ADK: variants seen among roughly 807,000 people sequenced by gnomAD.
ADK encodes the protein adenosine kinase.
In ADK, 24 loss-of-function variants were observed where a neutral mutation model predicts 44.7. The observed-to-expected ratio is 0.54, with a 90% CI of 0.39 to 0.76. The LOEUF (loss-of-function observed/expected upper bound fraction) is 0.76, where lower values mean the gene tolerates loss of function less well. Ranked by LOEUF, ADK falls within the 30% of genes least tolerant of loss-of-function variation. The pLI is 0.00. For missense variants in ADK, 321 were observed against 425.1 expected, an observed-to-expected ratio of 0.76 and a Z score of 2.15; for synonymous variants, 128 against 142.6, an observed-to-expected ratio of 0.90 and a Z score of 0.73.
At chr10:74,276,089 C>T (rs1174998200) in intron 3 of ADK, among the ~76,000 whole-genome samples, 1 of 152,082 alleles carries the variant, frequency 6.6e-6, no homozygotes, top group Non-Finnish European at 1.5e-5. Flanking sequence ...AAAGCCCCAC[C>T]CCAAAGTGAG....
intron 3 of ADK, among the ~76,000 whole-genome samples, chr10:74,257,974 C>G (rs4320897): frequency 0.18 from 26,664 of 152,076 alleles, 2,776 homozygotes; most frequent in African/African-American, 0.29. Context: ...TAGTTACCAC[C>G]CACAAGGGTA....
At chr10:74,364,285 C>T (rs891835413) in intron 4 of ADK, among the ~76,000 whole-genome samples, 1 of 152,168 alleles carries the variant, frequency 6.6e-6, no homozygotes, top group African/African-American at 2.4e-5. Flanking sequence ...TCCTATCCCA[C>T]TATTGAAACA....
intron 7 of ADK, among the ~76,000 whole-genome samples, chr10:74,572,446 T>A: frequency 6.6e-6 from 1 of 152,200 alleles, no homozygotes; most frequent in Non-Finnish European, 1.5e-5. Flanking sequence ...ATTTTTTCCT[T>A]CATTTCAACT....
intron 10 of ADK, among the ~76,000 whole-genome samples, chr10:74,681,615 G>A (rs1311694934): frequency 3.3e-5 from 5 of 151,460 alleles, no homozygotes; most frequent in African/African-American, 7.3e-5. Flanking sequence ...AGAGGCCGAG[G>A]TGGACAAATC....
At chr10:74,316,723 A>C (rs1840633797) in intron 4 of ADK, among the ~76,000 whole-genome samples, 1 of 152,174 alleles carries the variant, frequency 6.6e-6, no homozygotes, top group Non-Finnish European at 1.5e-5. Context: ...ATGAACTAAT[A>C]CCGGGAGGCT....
chr10:74,189,032 A>G (rs953188363), intron 1 of ADK, among the ~76,000 whole-genome samples: 2 of 152,186 alleles, frequency 1.3e-5, no homozygotes, highest in East Asian at 1.9e-4. Context: ...TGGCCCCCCA[A>G]AGTGCCACCG....
intron 10 of ADK, among the ~76,000 whole-genome samples, chr10:74,695,620 GTGTGTGTGTGTGT>G (rs1856164692): frequency 2.4e-5 from 3 of 126,180 alleles, no homozygotes; most frequent in South Asian, 2.7e-4. Context: ...TATGTGTGGG[GTGTGTGTGTGTGT>G]GTGTGTGTGT....
At chr10:74,448,469 G>A (rs1237831024) in intron 6 of ADK, among the ~76,000 whole-genome samples, 2 of 151,938 alleles carry the variant, frequency 1.3e-5, no homozygotes, top group East Asian at 1.9e-4. Flanking sequence ...ATATATATAC[G>A]CATATATACA....
chr10:74,222,291 C>G (rs1844341396), intron 2 of ADK, among the ~76,000 whole-genome samples: 1 of 152,066 alleles, frequency 6.6e-6, no homozygotes, highest in Non-Finnish European at 1.5e-5. Flanking sequence ...CAGAGAAATG[C>G]AAATCAAAAC....
At chr10:74,332,705 T>C (rs901735737) in intron 4 of ADK, among the ~76,000 whole-genome samples, 1 of 152,148 alleles carries the variant, frequency 6.6e-6, no homozygotes, top group Non-Finnish European at 1.5e-5. Context: ...CAAGAAAAAC[T>C]GAAGGTATTA....
At chr10:74,222,172 C>A (rs1844337292) in intron 2 of ADK, among the ~76,000 whole-genome samples, 1 of 151,672 alleles carries the variant, frequency 6.6e-6, no homozygotes, top group African/African-American at 2.4e-5. Context: ...CAAGAAAAAA[C>A]AAACAACCCC....
intron 3 of ADK, among the ~76,000 whole-genome samples, chr10:74,259,198 G>C (rs933781733): frequency 4.0e-5 from 6 of 151,830 alleles, no homozygotes; most frequent in Non-Finnish European, 7.4e-5. Flanking sequence ...GCCTGCCTCA[G>C]CCTCCCAAAG....
At chr10:74,472,804 T>C (rs1262682883) in intron 6 of ADK, among the ~76,000 whole-genome samples, 2 of 152,152 alleles carry the variant, frequency 1.3e-5, no homozygotes, top group African/African-American at 4.8e-5. Flanking sequence ...TATAAAGAAC[T>C]GATATGACAG....
chr10:74,527,847 G>A lies in ADK; in HGVS notation c.726+2421G>A. ...CCCTCTTGCTTCCAAGTGTCTTGAA[G>A]CTGCCAGCCAGATCTCTAACATACG... is the stretch of plus-strand genomic sequence containing the variant. On this transcript the variant is annotated intron_variant, in intron 7 of 10. Transcript: ENST00000539909. 3.7e-6 allele frequency: 4 copies of A among 1,077,418 alleles called. No individual in the cohort carries two copies. In the South Asian group the frequency reaches 5.0e-5, roughly 13 times the overall value. The allele number at this position is 1,077,418 out of a possible 1,614,324, so 66.7% of individuals were successfully genotyped here.
chr10:74,456,666 C>CAAAAAA (rs71024510), intron 6 of ADK, among the ~76,000 whole-genome samples: 6 of 63,100 alleles, frequency 9.5e-5, no homozygotes, highest in South Asian at 1.4e-3. Flanking sequence ...GACTCCATCT[C>CAAAAAA]AAAAAAAAAA....
chr10:74,279,713 T>TC (rs1173289796), intron 3 of ADK, among the ~76,000 whole-genome samples: 4 of 152,112 alleles, frequency 2.6e-5, no homozygotes, highest in Admixed American at 1.3e-4. Flanking sequence ...TTTTTTTTTT[T>TC]CATGAGTGAA....
At chr10:74,404,017 T>C (rs909887816) in intron 6 of ADK, among the ~76,000 whole-genome samples, 5 of 151,996 alleles carry the variant, frequency 3.3e-5, no homozygotes, top group Non-Finnish European at 5.9e-5. Flanking sequence ...GGACTGCACG[T>C]GCCTGCCACC....
rs182056075 is a variant in ADK at position 74,689,341 on chromosome 10, A to G, written c.965-18980A>G. On this transcript the variant is annotated intron_variant, in intron 10 of 10. Coordinates refer to ENST00000539909, the MANE Select transcript of ADK (RefSeq NM_006721.4). ...GTTAGGAAAGAAGGTAGTATTTAATAATAATTGTACTAAGTAGTTATAGTA... is the reference window on the plus strand; with the variant it reads ...GTTAGGAAAGAAGGTAGTATTTAATGATAATTGTACTAAGTAGTTATAGTA... 3.9e-5 allele frequency among the ~76,000 whole-genome samples: 6 copies of G among 152,288 alleles called. No individual in the cohort carries two copies. In the East Asian group the frequency reaches 7.7e-4, roughly 20 times the overall value.
intron 6 of ADK, among the ~76,000 whole-genome samples, chr10:74,481,158 T>C (rs961101727): frequency 2.0e-5 from 3 of 152,232 alleles, no homozygotes; most frequent in Non-Finnish European, 4.4e-5. Context: ...GTCCTAGTAA[T>C]GTTGAAGACA....
Sources: allele counts gnomAD v4.1 joint callset (sites outside exome capture counted in the v4.1 genomes callset), GRCh38; gene constraint gnomAD v4.1.1; transcripts MANE v1.5; gene names NCBI Gene and HGNC (gene_info 2026-07-23, HGNC 2026-07-21).